The following ARHGEF38 variants were observed in gnomAD, a reference collection of about 807,000 sequenced individuals.
The protein encoded by ARHGEF38 is Rho guanine nucleotide exchange factor 38, also known as Rho guanine nucleotide exchange factor (GEF) 38.
ARHGEF38 carries 79 observed loss-of-function variants against 79.9 expected under a neutral mutation model. The observed-to-expected ratio is 0.99, with a 90% CI of 0.82 to 1.19. The LOEUF (loss-of-function observed/expected upper bound fraction) is 1.19. Ranked by LOEUF, ARHGEF38 falls within the 50% of genes most tolerant of loss-of-function variation. The pLI, the probability that ARHGEF38 is intolerant of heterozygous loss-of-function variation, is 0.00. For missense variants in ARHGEF38, 962 were observed against 907.2 expected (o/e 1.06, Z -0.78); for synonymous variants, 366 against 328.3 (o/e 1.11, Z -1.24).
At chr4:105,676,999 C>T (rs1297580271) in intron 13 of ARHGEF38, among the ~76,000 whole-genome samples, 2 of 151,342 alleles carry the variant, frequency 1.3e-5, no homozygotes, top group Admixed American at 1.3e-4. Context: ...AGTCTCACTC[C>T]GTCGCCCAGG....
intron 1 of ARHGEF38, among the ~76,000 whole-genome samples, chr4:105,584,993 A>G (rs1219712485): frequency 6.6e-6 from 1 of 152,150 alleles, no homozygotes; most frequent in East Asian, 1.9e-4. Flanking sequence ...CTTTGTTCTG[A>G]CTTTCCTCCG....
intron 1 of ARHGEF38, among the ~76,000 whole-genome samples, chr4:105,582,281 T>G (rs1029375195): frequency 6.6e-5 from 10 of 151,190 alleles, no homozygotes; most frequent in Non-Finnish European, 8.8e-5. Flanking sequence ...CTTTATTCTA[T>G]TTTCTTTTGG....
intron 5 of ARHGEF38, 38 bp from the exon 6 acceptor site, chr4:105,645,148 CAT>C (rs545815784): frequency 1.5e-3 from 1,868 of 1,244,932 alleles, no homozygotes; most frequent in Non-Finnish European, 1.8e-3. Context: ...GTTAATAAAA[CAT>C]ATGTTTGTGA....
intron 10 of ARHGEF38, among the ~76,000 whole-genome samples, chr4:105,665,293 C>G (rs1730707730): frequency 6.6e-6 from 1 of 151,818 alleles, no homozygotes; most frequent in South Asian, 2.1e-4. Context: ...AGGAGATGGA[C>G]ACCATCCTGG....
rs1010656681 is a variant in ARHGEF38 at position 105,589,119 on chromosome 4, T to G, written c.197-129T>G. On this transcript the variant is annotated intron_variant, in intron 1 of 13. Coordinates refer to ENST00000420470, the MANE Select transcript of ARHGEF38 (RefSeq NM_001242729.2). Reference sequence around the variant, plus strand: ...AGGGGAATGTCCATATATCACTTCCTAAGAAAACATCATGAGGATACCTTC... The same window carrying G: ...AGGGGAATGTCCATATATCACTTCCGAAGAAAACATCATGAGGATACCTTC... The G allele has an allele frequency of 9.0e-5, 63 of 697,410 alleles. No homozygotes were observed. The Middle Eastern group carries it at 1.2e-3, about 13-fold the overall frequency. The allele number at this position is 697,410 out of a possible 1,614,324, so 43.2% of individuals were successfully genotyped here.
At chr4:105,646,668 T>C (rs561455528) in intron 6 of ARHGEF38, among the ~76,000 whole-genome samples, 1 of 152,264 alleles carries the variant, frequency 6.6e-6, no homozygotes, top group South Asian at 2.1e-4. Context: ...AAGAGAGGTG[T>C]ACTGGTAACT....
At chr4:105,601,315 C>G (rs1218670624) in intron 2 of ARHGEF38, among the ~76,000 whole-genome samples, 1 of 152,172 alleles carries the variant, frequency 6.6e-6, no homozygotes, top group African/African-American at 2.4e-5. Flanking sequence ...AACTTCATAG[C>G]TTGCTACTTC....
At chr4:105,626,523 T>C (rs1420142776) in intron 3 of ARHGEF38, among the ~76,000 whole-genome samples, 1 of 152,172 alleles carries the variant, frequency 6.6e-6, no homozygotes, top group African/African-American at 2.4e-5. Context: ...ATCGAGTAAA[T>C]GGTAAAACCA....
chr4:105,610,999 A>G (rs1223100031), intron 2 of ARHGEF38, among the ~76,000 whole-genome samples: 1 of 152,120 alleles, frequency 6.6e-6, no homozygotes, highest in Non-Finnish European at 1.5e-5. Context: ...GCATAGAACA[A>G]AAAGGCCAAT....
intron 6 of ARHGEF38, 142 bp downstream of exon 6, chr4:105,645,529 AGT>A: frequency 1.3e-6 from 1 of 755,524 alleles, no homozygotes; most frequent in Non-Finnish European, 2.0e-6. Context: ...TGGAGAGAAG[AGT>A]GTGGTTTTGC....
chr4:105,581,926 G>A (rs952950934), intron 1 of ARHGEF38, among the ~76,000 whole-genome samples: 1 of 152,010 alleles, frequency 6.6e-6, no homozygotes, highest in Non-Finnish European at 1.5e-5. Context: ...AGCACTTTGG[G>A]AGGCCGAGGT....
At chr4:105,648,956 C>T (rs892422354) in intron 7 of ARHGEF38, among the ~76,000 whole-genome samples, 2 of 151,958 alleles carry the variant, frequency 1.3e-5, no homozygotes, top group Admixed American at 6.6e-5. Flanking sequence ...AAGAGAGACA[C>T]GGACATGGGA....
chr4:105,632,013 G>T (rs1272304539), intron 4 of ARHGEF38, among the ~76,000 whole-genome samples: 1 of 152,108 alleles, frequency 6.6e-6, no homozygotes, highest in Non-Finnish European at 1.5e-5. Flanking sequence ...TGTGTGATAG[G>T]GGAAAGAGGG....
chr4:105,677,822 T>C lies in ARHGEF38; in HGVS notation c.2219T>C (p.Val740Ala). The change falls in exon 14 of 14, where the codon GTT becomes GCT. Residue 740 changes from valine (V) to alanine (A), a missense_variant. Coordinates refer to ENST00000420470, the MANE Select transcript of ARHGEF38 (RefSeq NM_001242729.2). ...CTCAGCCTTCAGGAATACCAGAGAG[T>C]TCATATACTCAGGTTTTGTGACCTA... is the stretch of plus-strand genomic sequence containing the variant. ...HELSLQEYQR[V>A]HILRFCDLSG... 6.5e-7 allele frequency: 1 copy of C among 1,535,312 alleles called. No individual in the cohort carries two copies. Among genetic ancestry groups the C allele is most frequent in the Middle Eastern group, 1.7e-4 (1 of 5,976 alleles).
At chr4:105,574,995 CACAT>C (rs1264929536) in intron 1 of ARHGEF38, among the ~76,000 whole-genome samples, 7 of 81,766 alleles carry the variant, frequency 8.6e-5, no homozygotes, top group South Asian at 7.3e-4. Flanking sequence ...TATATGTACA[CACAT>C]ACACACACAT....
rs1731241133 is a variant in ARHGEF38, at chr4:105,679,598, T to C, written c.*1661T>C. 6.6e-6 allele frequency: 6 copies of C among 906,624 alleles called. No individual in the cohort carries two copies. The highest frequency in any genetic ancestry group is 1.1e-5 in the Non-Finnish European group (6 of 538,382). The allele number at this position is 906,624 out of a possible 1,614,324, so 56.2% of individuals were successfully genotyped here. On this transcript the variant is annotated 3_prime_UTR_variant, in exon 14 of 14. Transcript: ENST00000420470. ...CTTCTATCAGTATCTGAGCTGATGGTTGGAAAAAAATCAACAGCAGCATAA... is the reference window on the plus strand; with the variant it reads ...CTTCTATCAGTATCTGAGCTGATGGCTGGAAAAAAATCAACAGCAGCATAA...
chr4:105,622,845 T>A (rs1437101680), intron 3 of ARHGEF38, among the ~76,000 whole-genome samples: 1 of 152,156 alleles, frequency 6.6e-6, no homozygotes, highest in Non-Finnish European at 1.5e-5. Context: ...TATATCTCAT[T>A]CTATTTTGCA....
chr4:105,638,079 T>G (rs1729471438), intron 5 of ARHGEF38, among the ~76,000 whole-genome samples: 1 of 152,174 alleles, frequency 6.6e-6, no homozygotes, highest in Non-Finnish European at 1.5e-5. Flanking sequence ...CAATGTCAAG[T>G]GCTGTGTAAT....
At chr4:105,627,540 A>AT (rs544479416) in intron 3 of ARHGEF38, among the ~76,000 whole-genome samples, 10 of 152,096 alleles carry the variant, frequency 6.6e-5, no homozygotes, top group Admixed American at 2.6e-4. Context: ...AAAAGGGTGC[A>AT]TTTTTTTTCT....
Sources: allele counts gnomAD v4.1 joint callset (sites outside exome capture counted in the v4.1 genomes callset), GRCh38; gene constraint gnomAD v4.1.1; transcripts MANE v1.5; gene names NCBI Gene and HGNC (gene_info 2026-07-23, HGNC 2026-07-21).